MEIOB: variants seen among roughly 807,000 people sequenced by gnomAD.
MEIOB encodes meiosis-specific with OB domain-containing protein.
A neutral mutation model predicts 53.1 loss-of-function variants in MEIOB; 50 were observed. The observed-to-expected ratio is 0.94, with a 90% CI of 0.75 to 1.19. The LOEUF (loss-of-function observed/expected upper bound fraction) is 1.19, where lower values mean the gene tolerates loss of function less well. Ranked by LOEUF, MEIOB falls within the 50% of genes most tolerant of loss-of-function variation. MEIOB has a pLI of 0.00. For missense variants in MEIOB, 551 were observed against 550.8 expected (o/e 1.00, Z 0.00); for synonymous variants, 192 against 182.5 (o/e 1.05, Z -0.42).
At chr16:1,867,738 C>G (rs1487559756) in intron 2 of MEIOB, among the ~76,000 whole-genome samples, 1 of 152,084 alleles carries the variant, frequency 6.6e-6, no homozygotes, top group South Asian at 2.1e-4. Context: ...TCCCAAAGTG[C>G]TGGGATTACA....
At position 1,839,704 on chromosome 16, in the gene MEIOB, C is replaced by G. The variant is rs1898849372; in HGVS notation, c.1035-266G>C. ...CTCTGCCAAGCCCTCGAGGTCCATCCCAGTCTCATTTCCTTGCTGGGGCCC... is the reference window on the plus strand; with the variant it reads ...CTCTGCCAAGCCCTCGAGGTCCATCGCAGTCTCATTTCCTTGCTGGGGCCC... On this transcript the variant is annotated intron_variant, in intron 11 of 13. Transcript: ENST00000325962. 8 of 373,938 alleles carry G rather than the reference C, an allele frequency of 2.1e-5. No homozygotes were observed. In the East Asian group the frequency reaches 4.2e-4, roughly 20 times the overall value. 23.2% of individuals were successfully genotyped at this position (373,938 alleles called of 1,614,324 possible).
At chr16:1,837,623 T>C (rs1229913737) in intron 13 of MEIOB, 161 bp downstream of exon 13, 1 of 481,678 alleles carries the variant, frequency 2.1e-6, no homozygotes, top group African/African-American at 2.0e-5. Flanking sequence ...AAAAAACCCC[T>C]GGCTATTTCC....
chr16:1,841,767 CAAT>C, intron 11 of MEIOB, 50 bp downstream of exon 11: 2 of 1,327,410 alleles, frequency 1.5e-6, no homozygotes, highest in Non-Finnish European at 2.0e-6. Flanking sequence ...AATTTATTAA[CAAT>C]AATTATTTCT....
chr16:1,862,810 C>T (rs1742440), intron 3 of MEIOB, among the ~76,000 whole-genome samples: 125,000 of 151,506 alleles, frequency 0.83, 51,679 homozygotes, highest in Middle Eastern at 0.9. Flanking sequence ...CCCAGCTACT[C>T]GGGAGGCTGA....
At chr16:1,862,886 A>G (rs1443513979) in intron 3 of MEIOB, among the ~76,000 whole-genome samples, 3 of 151,940 alleles carry the variant, frequency 2.0e-5, no homozygotes, top group Non-Finnish European at 4.4e-5. Flanking sequence ...CCTGGGTGAC[A>G]AGAGAAAAAC....
intron 9 of MEIOB, among the ~76,000 whole-genome samples, chr16:1,850,297 G>A (rs1252350469): frequency 6.6e-6 from 1 of 152,174 alleles, no homozygotes; most frequent in African/African-American, 2.4e-5. Context: ...AAAAATAACA[G>A]GCCGGGCGTG....
intron 2 of MEIOB, among the ~76,000 whole-genome samples, chr16:1,866,787 C>A (rs1032809351): frequency 6.6e-6 from 1 of 151,980 alleles, no homozygotes; most frequent in Admixed American, 6.6e-5. Context: ...AGGAAAAAAA[C>A]TAAACTTATT....
chr16:1,854,975 C>T (rs1404585199), intron 6 of MEIOB, among the ~76,000 whole-genome samples: 1 of 152,200 alleles, frequency 6.6e-6, no homozygotes, highest in Non-Finnish European at 1.5e-5. Context: ...CCTCTGCCAC[C>T]ACTGCATCTG....
rs1899770127 is a variant in MEIOB at position 1,872,041 on chromosome 16, G to C, written c.-58C>G. ...TCCCCGGGCCTGCACAGCTGCCGCC[G>C]CGGCCTCGCGGACCTGGCCCGCCCG... On this transcript the variant is annotated 5_prime_UTR_variant, in exon 1 of 14. Coordinates refer to ENST00000325962, the MANE Select transcript of MEIOB (RefSeq NM_001163560.3). 6.6e-6 allele frequency: 1 copy of C among 150,882 alleles called. No individual in the cohort carries two copies. The highest frequency in any genetic ancestry group is 1.5e-5 in the Non-Finnish European group (1 of 67,730). The allele number at this position is 150,882 out of a possible 1,614,324, so 9.3% of individuals were successfully genotyped here.
At chr16:1,848,044 T>C (rs57530073) in intron 9 of MEIOB, among the ~76,000 whole-genome samples, 26,543 of 151,666 alleles carry the variant, frequency 0.18, 2,449 homozygotes, top group South Asian at 0.26. Context: ...ACCTCCAGGG[T>C]TCAAGCGGTC....
chr16:1,844,099 T>C (rs940619611), intron 10 of MEIOB, among the ~76,000 whole-genome samples: 11 of 152,094 alleles, frequency 7.2e-5, no homozygotes, highest in African/African-American at 2.6e-4. Flanking sequence ...TTGGGGCTCT[T>C]TGTTGCATTC....
chr16:1,869,367 C>T (rs952485481), intron 1 of MEIOB, among the ~76,000 whole-genome samples: 1 of 152,176 alleles, frequency 6.6e-6, no homozygotes, highest in Non-Finnish European at 1.5e-5. Context: ...TCAAGTGATC[C>T]GGCCGCCCCC....
chr16:1,846,742 C>T (rs1156654446), intron 9 of MEIOB, among the ~76,000 whole-genome samples: 1 of 151,864 alleles, frequency 6.6e-6, no homozygotes. Context: ...TAAGTGGGAG[C>T]TGAACAATGA....
intron 6 of MEIOB, among the ~76,000 whole-genome samples, chr16:1,855,383 G>A (rs775474261): frequency 5.9e-5 from 9 of 152,068 alleles, no homozygotes; most frequent in Admixed American, 3.3e-4. Flanking sequence ...AGTGAGCCAA[G>A]ATCACGCCAC....
chr16:1,870,746 T>G (rs1899722353), intron 1 of MEIOB, among the ~76,000 whole-genome samples: 1 of 152,170 alleles, frequency 6.6e-6, no homozygotes, highest in Non-Finnish European at 1.5e-5. Flanking sequence ...CTGTGTCAAG[T>G]TTTTCATTCG....
At chr16:1,836,008 T>G (rs1898735908) in intron 13 of MEIOB, among the ~76,000 whole-genome samples, 1 of 152,026 alleles carries the variant, frequency 6.6e-6, no homozygotes, top group South Asian at 2.1e-4. Flanking sequence ...GACAGGCACC[T>G]GCCACCATGC....
chr16:1,869,271 C>T lies in MEIOB; in HGVS notation c.-9-1087G>A, dbSNP rs1899671711. Among the ~76,000 whole-genome samples, 2 of 151,720 alleles carry T rather than the reference C, an allele frequency of 1.3e-5. 1 individual carries two copies. The highest frequency in any genetic ancestry group is 4.2e-4 in the South Asian group (2 of 4,814). On this transcript the variant is annotated intron_variant, in intron 1 of 13. Coordinates refer to ENST00000325962, the MANE Select transcript of MEIOB (RefSeq NM_001163560.3). ...TCCCAAATAGCTGGGATTACAGGCG[C>T]CTGCCACCATGCCCAGCCAATTTTT...
intron 1 of MEIOB, among the ~76,000 whole-genome samples, chr16:1,868,827 C>G (rs1450823669): frequency 6.6e-6 from 1 of 151,808 alleles, no homozygotes; most frequent in Non-Finnish European, 1.5e-5. Flanking sequence ...TGCACTCCAG[C>G]CTGGATGACA....
chr16:1,841,669 A>G, intron 11 of MEIOB, 151 bp downstream of exon 11: 1 of 436,582 alleles, frequency 2.3e-6, no homozygotes, highest in Non-Finnish European at 3.9e-6. Flanking sequence ...TTGCTATGGA[A>G]ACTTTTCAGT....
Sources: gnomAD v4.1 joint callset for allele counts (sites outside exome capture counted in the v4.1 genomes callset) on GRCh38, gnomAD v4.1.1 for gene constraint, MANE v1.5 for transcripts, NCBI Gene and HGNC (gene_info 2026-07-23, HGNC 2026-07-21) for gene names.